The following KIF26A variants were observed in gnomAD, a reference collection of about 807,000 sequenced individuals.
KIF26A encodes kinesin-like protein KIF26A.
KIF26A carries 74 observed loss-of-function variants against 126.0 expected under a neutral mutation model. That is an observed-to-expected ratio of 0.59 (90% confidence interval 0.49 to 0.71). The LOEUF (loss-of-function observed/expected upper bound fraction) is 0.71, where lower values mean the gene tolerates loss of function less well. KIF26A is among the 30% of genes least tolerant of loss of function. The pLI, the probability that KIF26A is intolerant of heterozygous loss-of-function variation, is 0.00. For missense variants in KIF26A, 2,984 were observed against 2,763.3 expected, an observed-to-expected ratio of 1.08 and a Z score of -1.79; for synonymous variants, 1,445 against 1,232.7, an observed-to-expected ratio of 1.17 and a Z score of -3.61.
Position 104,152,538 on chromosome 14 carries a change from C to T in KIF26A, c.735+77C>T, listed in dbSNP as rs370545568. ...GGCTTCCTTCGGGGGTCTCTGTCCACGTTGAGTGCCCTGCAGTAAGGCTTC... is the reference window on the plus strand; with the variant it reads ...GGCTTCCTTCGGGGGTCTCTGTCCATGTTGAGTGCCCTGCAGTAAGGCTTC... On this transcript the variant is annotated intron_variant, in intron 3 of 14. Coordinates refer to ENST00000423312, the MANE Select transcript of KIF26A (RefSeq NM_015656.2). The surrounding 1 kb of genome is among the most constrained non-coding windows in gnomAD (Gnocchi z 5.9). The T allele has an allele frequency of 1.6e-5, 22 of 1,369,392 alleles. No homozygotes were observed. Among genetic ancestry groups the T allele is most frequent in the South Asian group, 3.0e-5 (2 of 67,696 alleles). The allele number at this position is 1,369,392 out of a possible 1,614,324, so 84.8% of individuals were successfully genotyped here.
At chr14:104,167,082 G>A (rs765072999) in intron 5 of KIF26A, 34 bp downstream of exon 5, 20 of 1,484,792 alleles carry the variant, frequency 1.3e-5, no homozygotes, top group East Asian at 2.5e-5. Flanking sequence ...GCCCTGGGTG[G>A]GGAGGCCAGA....
intron 5 of KIF26A, among the ~76,000 whole-genome samples, chr14:104,168,872 G>A (rs2037931501): frequency 6.6e-6 from 1 of 152,132 alleles, no homozygotes; most frequent in Admixed American, 6.5e-5. Context: ...GGGGTGGTGG[G>A]TGAAGCAGAG....
intron 2 of KIF26A, among the ~76,000 whole-genome samples, chr14:104,139,993 A>G (rs1432359852): frequency 2.6e-5 from 4 of 152,100 alleles, no homozygotes; most frequent in African/African-American, 9.7e-5. Context: ...TCCAGGAACA[A>G]TGCATGCTGG....
intron 4 of KIF26A, among the ~76,000 whole-genome samples, chr14:104,159,257 C>G (rs1455444243): frequency 6.6e-6 from 1 of 152,244 alleles, no homozygotes; most frequent in African/African-American, 2.4e-5. Flanking sequence ...GTGTGTGGGA[C>G]AGCCCACCCC....
At chr14:104,170,576 G>A (rs1242342493) in intron 5 of KIF26A, among the ~76,000 whole-genome samples, 1 of 152,258 alleles carries the variant, frequency 6.6e-6, no homozygotes, top group African/African-American at 2.4e-5. Context: ...ACGCTGTAGT[G>A]GAGAAATCAG....
intron 2 of KIF26A, among the ~76,000 whole-genome samples, chr14:104,146,476 G>A (rs2037681331): frequency 6.6e-6 from 1 of 152,094 alleles, no homozygotes; most frequent in Non-Finnish European, 1.5e-5. Context: ...TGCCTACCGA[G>A]TGGTGGGAAG....
chr14:104,173,768 A>G lies in KIF26A; in HGVS notation c.1930A>G (p.Arg644Gly). Reference sequence around the variant, plus strand: ...GGGCAGCTGTGAGGCGGCGGCTGGCAGGGCCGGGGAGGCTGCTGGGGGTCC... The same window carrying G: ...GGGCAGCTGTGAGGCGGCGGCTGGCGGGGCCGGGGAGGCTGCTGGGGGTCC... Reference protein sequence around the residue: ...DLGSCEAAAGRAGEAAGGPLC... With the variant: ...DLGSCEAAAGGAGEAAGGPLC... Residue 644 changes from arginine (R) to glycine (G), a missense_variant, in exon 10 of 15, where the codon AGG becomes GGG. By Grantham distance (125) the Arg-to-Gly change is moderately radical (BLOSUM62 -2). Coordinates refer to ENST00000423312, the MANE Select transcript of KIF26A (RefSeq NM_015656.2). 6.2e-7 allele frequency: 1 copy of G among 1,608,498 alleles called. No individual in the cohort carries two copies. The highest frequency in any genetic ancestry group is 8.5e-7 in the Non-Finnish European group (1 of 1,179,352).
At chr14:104,150,500 C>T (rs571439888) in intron 2 of KIF26A, among the ~76,000 whole-genome samples, 1 of 152,108 alleles carries the variant, frequency 6.6e-6, no homozygotes, top group Non-Finnish European at 1.5e-5. Flanking sequence ...TTGGCTGGCA[C>T]CGGCCACCCT....
chr14:104,152,042 G>C lies in KIF26A; in HGVS notation c.316G>C (p.Asp106His). The change falls in exon 3 of 15, where the codon GAC becomes CAC. Residue 106 changes from aspartate to histidine, a missense_variant. Physicochemically the swap from Asp to His is moderately conservative, Grantham distance 81 (BLOSUM62 -1). Transcript: ENST00000423312. The surrounding 1 kb of genome is among the most constrained non-coding windows in gnomAD (Gnocchi z 5.9). ...RDPCLSALLL[D>H]KLPAPGALPA... ...TCCTTGCCTCTCTGCCCTGCTTCTC[G>C]ACAAGCTACCAGCACCTGGGGCCCT... The C allele has an allele frequency of 1.9e-6, 3 of 1,612,510 alleles. No homozygotes were observed. Among genetic ancestry groups the C allele is most frequent in the South Asian group, 1.1e-5 (1 of 91,058 alleles).
At chr14:104,147,915 T>C (rs1387954711) in intron 2 of KIF26A, among the ~76,000 whole-genome samples, 2 of 152,150 alleles carry the variant, frequency 1.3e-5, no homozygotes, top group African/African-American at 4.8e-5. Flanking sequence ...CCAGAGCTCC[T>C]TTGTGGAGAC....
chr14:104,166,830 C>T, intron 4 of KIF26A, 29 bp from the exon 5 acceptor site: 2 of 1,523,058 alleles, frequency 1.3e-6, no homozygotes, highest in South Asian at 2.5e-5. Flanking sequence ...TCACCCACCA[C>T]TGATCCTGCC....
At chr14:104,154,520 C>G (rs2141097254) in intron 3 of KIF26A, among the ~76,000 whole-genome samples, 1 of 152,306 alleles carries the variant, frequency 6.6e-6, no homozygotes. Context: ...GCGGTTCTTC[C>G]CGGACTGTTG....
In KIF26A at chr14:104,151,942, G is replaced by A. The variant is rs1802848892; in HGVS notation, c.289-73G>A. 20 of 1,360,584 alleles carry A rather than the reference G, an allele frequency of 1.5e-5. No individual in the cohort carries two copies. Among genetic ancestry groups the A allele is most frequent in the Non-Finnish European group, 1.7e-5 (16 of 953,626 alleles). The allele number at this position is 1,360,584 out of a possible 1,614,324, so 84.3% of individuals were successfully genotyped here. A position where few individuals can be genotyped will look rare whatever the true frequency, so the allele number is the denominator to read the frequency against. On this transcript the variant is annotated intron_variant, in intron 2 of 14. Coordinates refer to ENST00000423312, the MANE Select transcript of KIF26A (RefSeq NM_015656.2). This position sits in a 1 kb window ranked among gnomAD's most constrained non-coding sequence, Gnocchi z 4.9. ...GCTCGCAGCGTCATGGACGGTGAGA[G>A]TGCTGGTGGGCTCTGGGTGCCGGCC... is the stretch of plus-strand genomic sequence containing the variant.
Position 104,178,711 on chromosome 14 carries a change from C to T in KIF26A, c.5272C>T (p.Arg1758Cys), listed in dbSNP as rs202140518. 270 of 1,559,434 alleles carry T rather than the reference C, an allele frequency of 1.7e-4. No individual in the cohort carries two copies. Among genetic ancestry groups the T allele is most frequent in the Admixed American group, 3.2e-4 (17 of 52,890 alleles). The stretch of plus-strand genomic sequence containing the variant: ...GGTGTACGAGATCGATGACGTGGAG[C>T]GCCTTCAGCGGCCCCGCCCCACCCC... ...IKVYEIDDVE[R>C]LQRPRPTPRE... Residue 1758 changes from arginine (R) to cysteine (C), a missense_variant, in exon 13 of 15, where the codon CGC becomes TGC. Transcript: ENST00000423312.
chr14:104,172,687 C>A lies in KIF26A; in HGVS notation c.1420+19C>A, dbSNP rs374126938. 468 of 1,576,138 alleles carry A rather than the reference C, an allele frequency of 3.0e-4. No individual in the cohort carries two copies. The highest frequency in any genetic ancestry group is 2.7e-3 in the Middle Eastern group (16 of 6,004). On this transcript the variant is annotated intron_variant, in intron 7 of 14. Transcript: ENST00000423312. ...AGCCTGGGTAAGCACCCTTGCCCCA[C>A]CCTAGATGGGTCCTGCTGGCCACCC...
intron 2 of KIF26A, among the ~76,000 whole-genome samples, chr14:104,149,395 A>C (rs1276388611): frequency 6.6e-6 from 1 of 151,804 alleles, no homozygotes; most frequent in African/African-American, 2.4e-5. Context: ...CTGCTGGGGG[A>C]AGGTACCCTG....
intron 3 of KIF26A, among the ~76,000 whole-genome samples, chr14:104,156,674 G>C (rs529625486): frequency 2.8e-4 from 43 of 152,286 alleles, no homozygotes; most frequent in African/African-American, 9.9e-4. Context: ...ATACTGTCTG[G>C]GATGGCAGGG....
In KIF26A at chr14:104,166,846, C is replaced by T; in HGVS notation, c.924-13C>T. ...CACCCACCACTGATCCTGCCTCTGC[C>T]TCTCCTCCCCAGGGCTATGCAGAAG... is the stretch of plus-strand genomic sequence containing the variant. On this transcript the variant is annotated splice_polypyrimidine_tract_variant and intron_variant, in intron 4 of 14. Coordinates refer to ENST00000423312, the MANE Select transcript of KIF26A (RefSeq NM_015656.2). The T allele has an allele frequency of 6.5e-7, 1 of 1,546,794 alleles. No homozygotes were observed. Among genetic ancestry groups the T allele is most frequent in the Non-Finnish European group, 8.7e-7 (1 of 1,144,152 alleles).
At position 104,177,836 on chromosome 14, in the gene KIF26A, G is replaced by A. The variant is rs926350489; in HGVS notation, c.5048G>A (p.Ser1683Asn). The change falls in exon 12 of 15, where the codon AGT becomes AAT. Residue 1683 changes from serine (S) to asparagine (N), a missense_variant. Transcript: ENST00000423312. Reference protein sequence around the residue: ...ASSAPDSMSESGAASPGARTR... With the variant: ...ASSAPDSMSENGAASPGARTR... ...TCCGCCCCTGACTCCATGAGCGAGAGTGGGGCTGCCTCCCCAGGCGCCCGC... is the reference window on the plus strand; with the variant it reads ...TCCGCCCCTGACTCCATGAGCGAGAATGGGGCTGCCTCCCCAGGCGCCCGC... The A allele has an allele frequency of 1.3e-6, 2 of 1,567,968 alleles. No homozygotes were observed. The highest frequency in any genetic ancestry group is 1.7e-6 in the Non-Finnish European group (2 of 1,164,034).
Sources: gnomAD v4.1 joint callset for allele counts (sites outside exome capture counted in the v4.1 genomes callset) on GRCh38, gnomAD v4.1.1 for gene constraint, Gnocchi (gnomAD v3.1) non-coding constraint, MANE v1.5 for transcripts, NCBI Gene and HGNC (gene_info 2026-07-23, HGNC 2026-07-21) for gene names.